The following SH3PXD2B variants were observed in gnomAD, a reference collection of about 807,000 sequenced individuals.
The protein encoded by SH3PXD2B is SH3 and PX domains 2B.
A neutral mutation model predicts 73.1 loss-of-function variants in SH3PXD2B; 37 were observed. That is an observed-to-expected ratio of 0.51 (90% CI 0.39 to 0.67). The LOEUF is 0.67. SH3PXD2B is among the 30% of genes least tolerant of loss of function. The pLI, the probability that SH3PXD2B is intolerant of heterozygous loss-of-function variation, is 0.00. For synonymous variants in SH3PXD2B, 457 were observed against 480.5 expected (o/e 0.95, Z 0.64); for missense variants, 1,053 against 1,197.8 (o/e 0.88, Z 1.78).
chr5:172,362,607 C>A, intron 7 of SH3PXD2B, 128 bp downstream of exon 7: 2 of 1,326,000 alleles, frequency 1.5e-6, no homozygotes, highest in Non-Finnish European at 2.2e-6. Context: ...TTCTAGGAGA[C>A]CCTCAGCAGG....
At chr5:172,381,924 C>T (rs2113372457) in intron 5 of SH3PXD2B, 112 bp downstream of exon 5, 1 of 754,650 alleles carries the variant, frequency 1.3e-6, no homozygotes, top group Non-Finnish European at 2.3e-6. Context: ...CTCACAGGGG[C>T]TCAGCCGACG....
chr5:172,361,042 T>C (rs1757392484), intron 7 of SH3PXD2B, among the ~76,000 whole-genome samples: 1 of 152,128 alleles, frequency 6.6e-6, no homozygotes, highest in Non-Finnish European at 1.5e-5. Context: ...CTAAAAAAAG[T>C]TGCAGATCAA....
At chr5:172,328,309 T>G (rs2113213691) in intron 12 of SH3PXD2B, among the ~76,000 whole-genome samples, 1 of 152,078 alleles carries the variant, frequency 6.6e-6, no homozygotes, top group Middle Eastern at 3.4e-3. Context: ...TTTCACTATA[T>G]TGGCCAGGCT....
intron 3 of SH3PXD2B, among the ~76,000 whole-genome samples, chr5:172,400,278 C>T (rs1561923438): frequency 6.6e-6 from 1 of 152,264 alleles, no homozygotes; most frequent in East Asian, 1.9e-4. Flanking sequence ...TGTTAACTCA[C>T]ATGCAGTAAT....
At chr5:172,434,782 G>GTTTTTTTTTTTTTGGTTT (rs747705663) in intron 1 of SH3PXD2B, among the ~76,000 whole-genome samples, 8 of 66,350 alleles carry the variant, frequency 1.2e-4, no homozygotes, top group African/African-American at 3.7e-4. Context: ...ATGGCCAATG[G>GTTTTTTTTTTTTTGGTTT]TTTTTTTTTT....
intron 2 of SH3PXD2B, among the ~76,000 whole-genome samples, chr5:172,416,577 C>T (rs535396283): frequency 8.7e-5 from 13 of 150,126 alleles, no homozygotes; most frequent in Admixed American, 7.3e-4. Flanking sequence ...CCGCCCACCT[C>T]GGCCTCCCAA....
intron 1 of SH3PXD2B, among the ~76,000 whole-genome samples, chr5:172,433,910 C>T (rs185291126): frequency 6.6e-6 from 1 of 152,148 alleles, no homozygotes; most frequent in Non-Finnish European, 1.5e-5. Flanking sequence ...TTCACCTCCT[C>T]GCGGGGTCTA....
intron 12 of SH3PXD2B, among the ~76,000 whole-genome samples, chr5:172,325,760 G>T (rs544381063): frequency 1.3e-3 from 189 of 151,096 alleles, no homozygotes; most frequent in African/African-American, 4.0e-3. Flanking sequence ...GCCCTGCCTG[G>T]TTTTTTGTTT....
chr5:172,410,523 G>C (rs1229676971), intron 2 of SH3PXD2B, among the ~76,000 whole-genome samples: 1 of 152,158 alleles, frequency 6.6e-6, no homozygotes, highest in Non-Finnish European at 1.5e-5. Context: ...TCGATGAAGA[G>C]AGGTTGTGAG....
downstream of SH3PXD2B, among the ~76,000 whole-genome samples, chr5:172,332,972 G>C (rs1201034932): frequency 6.9e-6 from 1 of 144,712 alleles, no homozygotes; most frequent in East Asian, 2.0e-4. Flanking sequence ...GTCTCACTCT[G>C]TCACCCAGGC....
At chr5:172,429,995 C>T (rs941677275) in intron 1 of SH3PXD2B, among the ~76,000 whole-genome samples, 1 of 152,234 alleles carries the variant, frequency 6.6e-6, no homozygotes, top group Admixed American at 6.5e-5. Context: ...TATCCTGCTT[C>T]CTTCTCAACT....
rs1026928474 is a variant in SH3PXD2B at position 172,339,324 on chromosome 5, A to G, written c.1781T>C (p.Met594Thr). 2 of 1,614,086 alleles carry G rather than the reference A, an allele frequency of 1.2e-6. No homozygotes were observed. Among genetic ancestry groups the G allele is most frequent in the Non-Finnish European group, 1.7e-6 (2 of 1,180,014 alleles). ...KSRLFQLKND[M>T]GLECGHKVLA... Reference sequence around the variant, plus strand: ...GACCTTGTGGCCACACTCCAGCCCCATGTCATTTTTCAGCTGGAACAGTCT... The same window carrying G: ...GACCTTGTGGCCACACTCCAGCCCCGTGTCATTTTTCAGCTGGAACAGTCT... The change falls in exon 13 of 13, where the codon ATG (methionine) becomes ACG (threonine). Residue 594 changes from methionine (M) to threonine (T), a missense_variant. By Grantham distance (81) the Met-to-Thr change is moderately conservative. Coordinates refer to ENST00000311601, the MANE Select transcript of SH3PXD2B (RefSeq NM_001017995.3). This position sits in a 1 kb window ranked among gnomAD's most constrained non-coding sequence, Gnocchi z 6.1.
At chr5:172,333,081 G>A (rs1357238879), downstream of SH3PXD2B, among the ~76,000 whole-genome samples, 2 of 142,748 alleles carry the variant, frequency 1.4e-5, no homozygotes, top group Admixed American at 7.4e-5. Flanking sequence ...GGTTACAGGC[G>A]CCCGACACCA....
intron 1 of SH3PXD2B, among the ~76,000 whole-genome samples, chr5:172,423,238 G>A (rs1388575731): frequency 1.3e-5 from 2 of 152,236 alleles, no homozygotes; most frequent in Non-Finnish European, 2.9e-5. Flanking sequence ...GACACACCAG[G>A]TAGACACCTA....
chr5:172,369,251 T>A (rs1412038169), intron 6 of SH3PXD2B, among the ~76,000 whole-genome samples: 2 of 151,758 alleles, frequency 1.3e-5, no homozygotes, highest in Non-Finnish European at 2.9e-5. Flanking sequence ...TGTTTTTTTT[T>A]TAAATATTTT....
At chr5:172,386,228 T>C (rs142738301) in intron 4 of SH3PXD2B, among the ~76,000 whole-genome samples, 141 of 152,324 alleles carry the variant, frequency 9.3e-4, no homozygotes, top group African/African-American at 3.2e-3. Context: ...GGCTGTGCTA[T>C]AGAATAAGTG....
At chr5:172,388,995 G>T (rs1376931276) in intron 4 of SH3PXD2B, among the ~76,000 whole-genome samples, 1 of 152,074 alleles carries the variant, frequency 6.6e-6, no homozygotes, top group Non-Finnish European at 1.5e-5. Flanking sequence ...GAAGAGTCTG[G>T]GTTTATCTGG....
chr5:172,344,677 T>C (rs761376588), intron 12 of SH3PXD2B, among the ~76,000 whole-genome samples: 12 of 150,262 alleles, frequency 8.0e-5, no homozygotes, highest in Non-Finnish European at 1.8e-4. Context: ...TTTTCTATAA[T>C]GGATTAAAAC....
intron 1 of SH3PXD2B, among the ~76,000 whole-genome samples, chr5:172,434,492 C>T (rs1055688032): frequency 6.6e-6 from 1 of 152,200 alleles, no homozygotes; most frequent in African/African-American, 2.4e-5. Context: ...TGATGTGAAA[C>T]AGCTGCCGCC....
Sources: gnomAD v4.1 joint callset for allele counts (sites outside exome capture counted in the v4.1 genomes callset) on GRCh38, gnomAD v4.1.1 for gene constraint, Gnocchi (gnomAD v3.1) non-coding constraint, MANE v1.5 for transcripts, NCBI Gene and HGNC (gene_info 2026-07-23, HGNC 2026-07-21) for gene names.